The following ATXN7 variants were observed in gnomAD, a reference collection of about 807,000 sequenced individuals.
ATXN7 encodes ataxin-7.
In ATXN7, 12 loss-of-function variants were observed where a neutral mutation model predicts 70.5. That is an observed-to-expected ratio of 0.17 (90% CI 0.11 to 0.28). The LOEUF (loss-of-function observed/expected upper bound fraction) is 0.28, where lower values mean the gene tolerates loss of function less well. ATXN7 is among the 10% of genes least tolerant of loss of function. ATXN7 has a pLI of 1.00. For synonymous variants in ATXN7, 498 were observed against 448.7 expected (o/e 1.11, Z -1.39); for missense variants, 1,256 against 1,131.7 (o/e 1.11, Z -1.58).
Position 64,002,206 on chromosome 3 carries a change from A to G in ATXN7, c.*2739A>G, listed in dbSNP as rs1330824941. On this transcript the variant is annotated 3_prime_UTR_variant, in exon 13 of 13. Transcript: ENST00000674280. ...TTTTCTGATATCCTGTTTTGGTACAATTGAGATCATCTAGTATTTATTTAT... is the reference window on the plus strand; with the variant it reads ...TTTTCTGATATCCTGTTTTGGTACAGTTGAGATCATCTAGTATTTATTTAT... 6.6e-6 allele frequency: 1 copy of G among 152,560 alleles called. No homozygotes were observed. The highest frequency in any genetic ancestry group is 1.5e-5 in the Non-Finnish European group (1 of 68,048). 9.5% of individuals were successfully genotyped at this position (152,560 alleles called of 1,614,324 possible).
chr3:63,926,638 A>G (rs547522025), intron 4 of ATXN7, among the ~76,000 whole-genome samples: 3 of 152,264 alleles, frequency 2.0e-5, no homozygotes, highest in African/African-American at 4.8e-5. Flanking sequence ...ACTGTTGCCT[A>G]CAGGCTCCAC....
intron 12 of ATXN7, chr3:63,998,336 T>C: frequency 1.0e-6 from 1 of 985,318 alleles, no homozygotes; most frequent in Non-Finnish European, 1.2e-6. Flanking sequence ...ATGTGAAATT[T>C]AGTTGAGATA....
chr3:63,925,381 T>TG (rs1704676044), intron 4 of ATXN7, among the ~76,000 whole-genome samples: 1 of 152,054 alleles, frequency 6.6e-6, no homozygotes, highest in South Asian at 2.1e-4. Flanking sequence ...AGGAGGTAAG[T>TG]GGGGGTGGGG....
At chr3:63,925,077 A>G (rs1263155374) in intron 4 of ATXN7, among the ~76,000 whole-genome samples, 1 of 152,212 alleles carries the variant, frequency 6.6e-6, no homozygotes, top group African/African-American at 2.4e-5. Context: ...AGACTTTATC[A>G]CATTCTCATG....
At chr3:63,928,587 C>A (rs923057275) in intron 4 of ATXN7, among the ~76,000 whole-genome samples, 1 of 152,172 alleles carries the variant, frequency 6.6e-6, no homozygotes, top group African/African-American at 2.4e-5. Context: ...TCAATCCTTA[C>A]AGCAGTAGTC....
chr3:63,963,124 C>T (rs2106696747), intron 5 of ATXN7, among the ~76,000 whole-genome samples: 1 of 152,124 alleles, frequency 6.6e-6, no homozygotes, highest in African/African-American at 2.4e-5. Context: ...CCATGTTGCC[C>T]AGGCTGGTCT....
In ATXN7 at chr3:63,884,022, T is replaced by C. The variant is rs1702996687; in HGVS notation, c.-110-14377T>C. ...GAAGATACTTGAAGAGATAATTTTGTTCATTTACTATAGAAGTAGTTCATG... is the reference window on the plus strand; with the variant it reads ...GAAGATACTTGAAGAGATAATTTTGCTCATTTACTATAGAAGTAGTTCATG... On this transcript the variant is annotated intron_variant, in intron 1 of 12. Coordinates refer to ENST00000674280, the MANE Select transcript of ATXN7 (RefSeq NM_001377405.1). Among the ~76,000 whole-genome samples, 3 of 152,150 alleles carry C rather than the reference T, an allele frequency of 2.0e-5. No individual in the cohort carries two copies. In the South Asian group the frequency reaches 6.2e-4, roughly 32 times the overall value.
At chr3:63,924,732 A>G (rs1351428268) in intron 4 of ATXN7, among the ~76,000 whole-genome samples, 3 of 152,162 alleles carry the variant, frequency 2.0e-5, no homozygotes, top group Non-Finnish European at 2.9e-5. Context: ...CAGAACCCTC[A>G]TTGTATGGGG....
chr3:63,863,845 C>T, upstream of ATXN7: 5 of 1,219,170 alleles, frequency 4.1e-6, no homozygotes, highest in Non-Finnish European at 5.1e-6. Flanking sequence ...CGGCGGTTGG[C>T]GGCGGCGGAG....
intron 4 of ATXN7, among the ~76,000 whole-genome samples, chr3:63,940,470 T>C (rs192020831): frequency 6.6e-6 from 1 of 152,296 alleles, no homozygotes; most frequent in Non-Finnish European, 1.5e-5. Flanking sequence ...ATTTACACAA[T>C]ATACCTGACA....
At chr3:63,863,360 T>G, upstream of ATXN7, 1 of 825,992 alleles carries the variant, frequency 1.2e-6, no homozygotes, top group Non-Finnish European at 1.5e-6. Context: ...CCGGCACCAC[T>G]GTCCACCCTT....
chr3:63,970,981 A>G (rs1019804019), intron 5 of ATXN7, among the ~76,000 whole-genome samples: 44 of 152,356 alleles, frequency 2.9e-4, no homozygotes, highest in African/African-American at 1.0e-3. Context: ...CCCAAGTGCT[A>G]TAAATGACTC....
chr3:63,990,319 A>G lies in ATXN7; in HGVS notation c.1505A>G (p.Glu502Gly). The G allele has an allele frequency of 6.2e-7, 1 of 1,614,104 alleles. No individual in the cohort carries two copies. ...GAGGGCGAAGGCGATGACAAAGAAG[A>G]GTCTGTTGAAAAACTGGACTGTCAT... ...SEEGEGDDKEESVEKLDCHYS... is the reference protein window; with the variant it reads ...SEEGEGDDKEGSVEKLDCHYS... The change falls in exon 10 of 13, where the codon GAG (glutamate) becomes GGG (glycine). Residue 502 changes from glutamate to glycine, a missense_variant. By Grantham distance (98) the Glu-to-Gly change is moderately conservative. Coordinates refer to ENST00000674280, the MANE Select transcript of ATXN7 (RefSeq NM_001377405.1).
intron 11 of ATXN7, among the ~76,000 whole-genome samples, chr3:63,992,955 G>A (rs529749930): frequency 8.5e-5 from 13 of 152,294 alleles, no homozygotes; most frequent in Non-Finnish European, 1.9e-4. Flanking sequence ...CATCTTTGAA[G>A]CCCTCAAGGA....
intron 1 of ATXN7, among the ~76,000 whole-genome samples, chr3:63,883,303 T>TA (rs1363605037): frequency 6.6e-6 from 1 of 152,314 alleles, no homozygotes; most frequent in South Asian, 2.1e-4. Context: ...CCCCAGACTT[T>TA]AAAAAAGTCT....
At chr3:63,887,959 A>G (rs953933129) in intron 1 of ATXN7, among the ~76,000 whole-genome samples, 1 of 150,854 alleles carries the variant, frequency 6.6e-6, no homozygotes, top group Non-Finnish European at 1.5e-5. Context: ...TTTATTTTTT[A>G]CATATTGTGT....
chr3:63,916,982 C>T (rs868741557), intron 4 of ATXN7, among the ~76,000 whole-genome samples: 3 of 151,942 alleles, frequency 2.0e-5, no homozygotes, highest in Admixed American at 6.6e-5. Context: ...GGTACAGGCA[C>T]GATCTGTGCT....
At chr3:63,929,073 C>T (rs1480190240) in intron 4 of ATXN7, among the ~76,000 whole-genome samples, 1 of 152,056 alleles carries the variant, frequency 6.6e-6, no homozygotes, top group African/African-American at 2.4e-5. Context: ...TCTGAGAAAG[C>T]AAATCCTAAT....
chr3:63,997,697 T>C, intron 12 of ATXN7: 1 of 1,551,366 alleles, frequency 6.4e-7, no homozygotes, highest in Non-Finnish European at 8.7e-7. Flanking sequence ...TGTGAGGCTC[T>C]TTTTCATGAT....
Sources: allele counts gnomAD v4.1 joint callset (sites outside exome capture counted in the v4.1 genomes callset), GRCh38; gene constraint gnomAD v4.1.1; transcripts MANE v1.5; gene names NCBI Gene and HGNC (gene_info 2026-07-23, HGNC 2026-07-21).